Variants in SPTLC2 observed in about 807,000 individuals in gnomAD.
SPTLC2 encodes serine palmitoyltransferase long chain base subunit 2.
Under a neutral mutation model 62.0 loss-of-function variants are expected in SPTLC2, and 21 were observed. That is an observed-to-expected ratio of 0.34 (90% CI 0.24 to 0.49). The LOEUF (loss-of-function observed/expected upper bound fraction) is 0.49, where lower values mean the gene tolerates loss of function less well. Among genes scored for constraint, SPTLC2 ranks in the 20% least tolerant of loss-of-function variants. SPTLC2 has a pLI of 0.99. For synonymous variants in SPTLC2, 261 were observed against 261.8 expected (o/e 1.00, Z 0.03); for missense variants, 511 against 713.0 (o/e 0.72, Z 3.23).
At chr14:77,553,488 T>C (rs2079566048) in intron 8 of SPTLC2, among the ~76,000 whole-genome samples, 1 of 151,948 alleles carries the variant, frequency 6.6e-6, no homozygotes, top group South Asian at 2.1e-4. Flanking sequence ...TCCTAGTACT[T>C]TGGGAGGCCG....
In SPTLC2 at chr14:77,614,969, G is replaced by GAA. The variant is rs5809840; in HGVS notation, c.132+1477_132+1478dup. On this transcript the variant is annotated intron_variant, in intron 1 of 11. Coordinates refer to ENST00000216484, the MANE Select transcript of SPTLC2 (RefSeq NM_004863.4). The stretch of plus-strand genomic sequence containing the variant: ...CTGGGTGACAAGAGCAAAACTGTCT[G>GAA]AAAAAAAAAAACAAAAACAAAAACA... Among the ~76,000 whole-genome samples, 1,083 of 135,948 alleles carry GAA rather than the reference G, an allele frequency of 8.0e-3. 16 individuals carry two copies. Among genetic ancestry groups the GAA allele is most frequent in the African/African-American group, 0.027 (1,019 of 37,242 alleles). The allele number at this position is 135,948 out of a possible 152,430, so 89.2% of individuals were successfully genotyped here.
At chr14:77,547,874 C>CTT (rs61406879) in intron 9 of SPTLC2, 17 of 86,808 alleles carry the variant, frequency 2.0e-4, no homozygotes, top group African/African-American at 6.0e-4. Flanking sequence ...CCTGGAATGT[C>CTT]TTTTTTTTTT....
chr14:77,561,877 T>C (rs749078782), intron 6 of SPTLC2, among the ~76,000 whole-genome samples: 9 of 152,230 alleles, frequency 5.9e-5, no homozygotes, highest in Non-Finnish European at 1.0e-4. Context: ...GTTTTAACTA[T>C]GAAAGTTACG....
At chr14:77,577,840 C>T (rs1229484448) in intron 3 of SPTLC2, among the ~76,000 whole-genome samples, 1 of 152,182 alleles carries the variant, frequency 6.6e-6, no homozygotes, top group African/African-American at 2.4e-5. Flanking sequence ...GCAGAGCTTG[C>T]AGTAAGCCAA....
At chr14:77,566,590 C>T (rs532859341) in intron 5 of SPTLC2, among the ~76,000 whole-genome samples, 1 of 151,234 alleles carries the variant, frequency 6.6e-6, no homozygotes, top group African/African-American at 2.4e-5. Context: ...CTCAGCCTCC[C>T]GAGTAGCTGG....
intron 1 of SPTLC2, among the ~76,000 whole-genome samples, chr14:77,607,501 T>G (rs1175202192): frequency 1.3e-5 from 2 of 152,234 alleles, no homozygotes; most frequent in Non-Finnish European, 2.9e-5. Flanking sequence ...TTTTCTTTTT[T>G]TATTTTATTA....
intron 2 of SPTLC2, among the ~76,000 whole-genome samples, chr14:77,589,496 T>C (rs904605901): frequency 2.0e-5 from 3 of 151,826 alleles, no homozygotes; most frequent in Admixed American, 6.6e-5. Flanking sequence ...TTTTTTTTTT[T>C]TTAGAGATAA....
intron 6 of SPTLC2, among the ~76,000 whole-genome samples, chr14:77,560,324 A>G (rs539389120): frequency 6.6e-6 from 1 of 152,354 alleles, no homozygotes; most frequent in Admixed American, 6.5e-5. Context: ...GTGGTGGCTT[A>G]TGCCTATAAT....
rs150507974 is a variant in SPTLC2, at chr14:77,609,474, C to T, written c.132+6974G>A. On this transcript the variant is annotated intron_variant, in intron 1 of 11. Transcript: ENST00000216484. ...ACGTGGGGCTAGACACAGTGGTTCA[C>T]GCCTGTAATTCCAGCACTTTGGAAG... Among the ~76,000 whole-genome samples the T allele has an allele frequency of 3.9e-3, 595 of 152,248 alleles. 3 individuals carry two copies. The highest frequency in any genetic ancestry group is 0.027 in the Middle Eastern group (8 of 294).
intron 9 of SPTLC2, among the ~76,000 whole-genome samples, chr14:77,538,507 AAGAG>A (rs1212456987): frequency 8.5e-5 from 13 of 152,246 alleles, no homozygotes; most frequent in Admixed American, 2.0e-4. Flanking sequence ...CTCAGAAAGA[AAGAG>A]AGAACTAATA....
chr14:77,588,584 T>G (rs1195331014), intron 2 of SPTLC2, among the ~76,000 whole-genome samples: 1 of 151,472 alleles, frequency 6.6e-6, no homozygotes. Flanking sequence ...TAGTCCCAGC[T>G]ACTCAAGAAG....
At chr14:77,521,840 G>C (rs898957615) in intron 9 of SPTLC2, among the ~76,000 whole-genome samples, 1 of 152,124 alleles carries the variant, frequency 6.6e-6, no homozygotes, top group African/African-American at 2.4e-5. Context: ...CATCCTCAAA[G>C]AATTTCAGCC....
chr14:77,546,684 A>C (rs1386858018), intron 9 of SPTLC2, among the ~76,000 whole-genome samples: 1 of 152,146 alleles, frequency 6.6e-6, no homozygotes, highest in Non-Finnish European at 1.5e-5. Flanking sequence ...CATATCTACC[A>C]CTATGTAGAG....
intron 5 of SPTLC2, among the ~76,000 whole-genome samples, chr14:77,565,590 C>G (rs111310199): frequency 6.6e-6 from 1 of 152,080 alleles, no homozygotes; most frequent in Non-Finnish European, 1.5e-5. Flanking sequence ...ACAGACAGAC[C>G]CAAATTGGAG....
intron 1 of SPTLC2, among the ~76,000 whole-genome samples, chr14:77,600,014 A>G (rs1479975516): frequency 6.6e-6 from 1 of 152,120 alleles, no homozygotes; most frequent in Non-Finnish European, 1.5e-5. Flanking sequence ...AAAAGCCTGG[A>G]AATTACAGAG....
At chr14:77,557,289 G>A in intron 6 of SPTLC2, 143 bp from the exon 7 acceptor site, 1 of 703,646 alleles carries the variant, frequency 1.4e-6, no homozygotes, top group South Asian at 1.8e-5. Context: ...AAAAAGCAGG[G>A]CAAAATAGGT....
intron 7 of SPTLC2, 48 bp from the exon 8 acceptor site, chr14:77,555,567 T>C: frequency 1.3e-6 from 2 of 1,567,238 alleles, no homozygotes; most frequent in South Asian, 1.1e-5. Context: ...CACTGAGACT[T>C]TTTAAATCAA....
chr14:77,551,867 G>C (rs2079557316), intron 9 of SPTLC2, among the ~76,000 whole-genome samples: 2 of 152,216 alleles, frequency 1.3e-5, no homozygotes, highest in South Asian at 4.1e-4. Flanking sequence ...AGGATAGTAA[G>C]AGTAAAGCCT....
intron 1 of SPTLC2, among the ~76,000 whole-genome samples, chr14:77,614,936 A>G (rs1595024151): frequency 6.6e-6 from 1 of 151,314 alleles, no homozygotes; most frequent in African/African-American, 2.4e-5. Flanking sequence ...GCGCCATTGC[A>G]CTCCAGCCTG....
Sources: allele counts gnomAD v4.1 joint callset (sites outside exome capture counted in the v4.1 genomes callset), GRCh38; gene constraint gnomAD v4.1.1; transcripts MANE v1.5; gene names NCBI Gene and HGNC (gene_info 2026-07-23, HGNC 2026-07-21).